The following ESYT1 variants were observed in gnomAD, a reference collection of about 807,000 sequenced individuals.
ESYT1 encodes extended synaptotagmin-1.
ESYT1 carries 116 observed loss-of-function variants against 154.2 expected under a neutral mutation model. That is an observed-to-expected ratio of 0.75 (90% CI 0.65 to 0.88). ESYT1 has a LOEUF of 0.88. Ranked by LOEUF, ESYT1 falls within the 40% of genes least tolerant of loss-of-function variation. The pLI is 0.00. For missense variants in ESYT1, 1,264 were observed against 1,379.3 expected (o/e 0.92, Z 1.32); for synonymous variants, 500 against 539.9 (o/e 0.93, Z 1.02).
At position 56,142,785 on chromosome 12, in the gene ESYT1, A is replaced by G; in HGVS notation, c.2889-50A>G. ...CGCAGTCAGAAATAAAAAGTATTAC[A>G]GGTTCACTAGGCTCTAGCTTTCCCC... is the stretch of plus-strand genomic sequence containing the variant. On this transcript the variant is annotated intron_variant, in intron 26 of 30. Coordinates refer to ENST00000394048, the MANE Select transcript of ESYT1 (RefSeq NM_015292.3). This position sits in a 1 kb window ranked among gnomAD's most constrained non-coding sequence, Gnocchi z 4.1. 6.2e-7 allele frequency: 1 copy of G among 1,613,404 alleles called. No individual in the cohort carries two copies. Among genetic ancestry groups the G allele is most frequent in the South Asian group, 1.1e-5 (1 of 91,056 alleles).
intron 15 of ESYT1, among the ~76,000 whole-genome samples, chr12:56,136,291 C>G (rs1870449985): frequency 1.3e-5 from 2 of 151,814 alleles, no homozygotes; most frequent in Non-Finnish European, 2.9e-5. Flanking sequence ...ATAGTGGGAG[C>G]AGAATGAACA....
chr12:56,136,547 C>G (rs745924540), intron 15 of ESYT1, among the ~76,000 whole-genome samples, 197 bp from the exon 16 acceptor site: 1 of 147,252 alleles, frequency 6.8e-6, no homozygotes, highest in African/African-American at 2.5e-5. Context: ...GCCAAGATGG[C>G]GCCATTGCAC....
In ESYT1 at chr12:56,143,152, A is replaced by C. The variant is rs565698775; in HGVS notation, c.3119+4A>C. On this transcript the variant is annotated splice_donor_region_variant and intron_variant, in intron 28 of 30. Coordinates refer to ENST00000394048, the MANE Select transcript of ESYT1 (RefSeq NM_015292.3). ...TGAGTCCTGAATTTAATGAACGGTC[A>C]GTCAGTGGGCATTCAGGTGGAGAGA... 1 of 1,614,210 alleles carries C rather than the reference A, an allele frequency of 6.2e-7. No individual in the cohort carries two copies. Among genetic ancestry groups the C allele is most frequent in the Non-Finnish European group, 8.5e-7 (1 of 1,180,032 alleles).
At position 56,138,246 on chromosome 12, in the gene ESYT1, C is replaced by A. The variant is rs368530667; in HGVS notation, c.2311C>A (p.Arg771Ser). 2 of 1,614,226 alleles carry A rather than the reference C, an allele frequency of 1.2e-6. No individual in the cohort carries two copies. Among genetic ancestry groups the A allele is most frequent in the Non-Finnish European group, 1.7e-6 (2 of 1,180,042 alleles). Reference protein sequence around the residue: ...LHLRLERLTPRPTAAELEEVL... With the variant: ...LHLRLERLTPSPTAAELEEVL... ...CTTGCGCCTGGAGCGTCTCACCCCC[C>A]GTCCCACTGCTGCTGAGTTAGAGGA... Residue 771 changes from arginine to serine, a missense_variant, in exon 21 of 31, where the codon CGT becomes AGT. By Grantham distance (110) the Arg-to-Ser change is moderately radical (BLOSUM62 -1). Coordinates refer to ENST00000394048, the MANE Select transcript of ESYT1 (RefSeq NM_015292.3).
chr12:56,133,894 A>C (rs900167066), intron 13 of ESYT1, 21 bp downstream of exon 13: 8 of 1,611,488 alleles, frequency 5.0e-6, no homozygotes, highest in Admixed American at 3.3e-5. Context: ...CTGGGTGAAC[A>C]GGAGCCCTGG....
rs79645834 is a variant in ESYT1 at position 56,134,380 on chromosome 12, G to A, written c.1584G>A (p.Ala528=). Residue 528 remains alanine, a synonymous_variant, in exon 15 of 31, where the codon GCG becomes GCA. Coordinates refer to ENST00000394048, the MANE Select transcript of ESYT1 (RefSeq NM_015292.3). The part of the protein sequence containing the change: ...YSTNCPVWEE[A]FRFFLQDPQS... ...CCAACTGCCCAGTGTGGGAGGAAGC[G>A]TTCCGGTTCTTCCTACAAGACCCTC... 0.01 allele frequency: 16,799 copies of A among 1,614,064 alleles called. 110 individuals carry two copies. The highest frequency in any genetic ancestry group is 0.012 in the Non-Finnish European group (14,155 of 1,179,970).
rs765754042 is a variant in ESYT1, at chr12:56,143,282, T to C, written c.3174T>C (p.Ser1058=). 2.5e-6 allele frequency: 4 copies of C among 1,614,174 alleles called. No homozygotes were observed. In the Admixed American group the frequency reaches 6.7e-5, roughly 27 times the overall value. The change falls in exon 29 of 31, where the codon TCT becomes TCC. Residue 1058 remains serine, a synonymous_variant. Coordinates refer to ENST00000394048, the MANE Select transcript of ESYT1 (RefSeq NM_015292.3). ...CCCAGAGACGAAAGCTGGATGTCTC[T>C]GTCAAGTCTAATTCCTCCTTCATGT... The part of the protein sequence containing the change: ...DEAQRRKLDV[S]VKSNSSFMSR...
chr12:56,134,302 G>A, intron 14 of ESYT1, 40 bp from the exon 15 acceptor site: 1 of 1,604,776 alleles, frequency 6.2e-7, no homozygotes, highest in African/African-American at 1.3e-5. Context: ...CAGGAATGGT[G>A]CTGTGGTATA....
Position 56,142,483 on chromosome 12 carries a change from T to TGGG in ESYT1, c.2733+59_2733+60insGGG, listed in dbSNP as rs1353680228. On this transcript the variant is annotated intron_variant, in intron 25 of 30. Transcript: ENST00000394048. The surrounding 1 kb of genome is among the most constrained non-coding windows in gnomAD (Gnocchi z 4.1). ...GGGAGGAGGGGAGGGCCTTCACAGGTGAGGGACACCCAGGAGGGTGGGAAC... is the reference window on the plus strand; with the variant it reads ...GGGAGGAGGGGAGGGCCTTCACAGGTGGGGAGGGACACCCAGGAGGGTGGGAAC... 1 of 1,606,402 alleles carries TGGG rather than the reference T, an allele frequency of 6.2e-7. No homozygotes were observed. The highest frequency in any genetic ancestry group is 8.5e-7 in the Non-Finnish European group (1 of 1,174,760).
chr12:56,143,419 C>T, intron 29 of ESYT1, 86 bp downstream of exon 29: 1 of 1,502,610 alleles, frequency 6.7e-7, no homozygotes, highest in Non-Finnish European at 9.2e-7. Flanking sequence ...GGAAGTACCC[C>T]ACGTGATCCT....
rs1391550077 is a variant in ESYT1 at position 56,133,423 on chromosome 12, G to A, written c.1251G>A (p.Lys417=). 1 of 1,614,210 alleles carries A rather than the reference G, an allele frequency of 6.2e-7. No homozygotes were observed. The part of the protein sequence containing the change: ...PDKDDFLGRM[K]LDVGKVLQAS... ...CTCCCCCGCCAACCCTCAGAATGAA[G>A]CTGGATGTAGGGAAGGTGTTACAGG... Residue 417 remains lysine (K), a synonymous_variant, in exon 11 of 31, where the codon AAG becomes AAA. Coordinates refer to ENST00000394048, the MANE Select transcript of ESYT1 (RefSeq NM_015292.3).
At chr12:56,131,392 T>C in intron 5 of ESYT1, 76 bp downstream of exon 5, 4 of 1,610,008 alleles carry the variant, frequency 2.5e-6, no homozygotes, top group Middle Eastern at 1.7e-4. Flanking sequence ...AGTGTGAGGT[T>C]GGAAAGACCA....
In ESYT1 at chr12:56,137,863, TA is replaced by T; in HGVS notation, c.2148del (p.Glu717ArgfsTer26). The T allele has an allele frequency of 6.2e-7, 1 of 1,614,202 alleles. No homozygotes were observed. Among genetic ancestry groups the T allele is most frequent in the Non-Finnish European group, 8.5e-7 (1 of 1,180,032 alleles). ...VIVTSVPGQE[L>X]EVEVFDKDLD... Reference sequence around the variant, plus strand: ...GTCACATCAGTTCCAGGCCAAGAGCTAGAGGTTGAAGTCTTTGACAAGGACT... The same window carrying T: ...GTCACATCAGTTCCAGGCCAAGAGCTGAGGTTGAAGTCTTTGACAAGGACT... On this transcript the variant is annotated frameshift_variant, in exon 19 of 31. Transcript: ENST00000394048. LOFTEE classifies it high-confidence loss of function.
rs1237156614 is a variant in ESYT1 at position 56,128,302 on chromosome 12, C to G, written c.-18C>G. 1 of 1,597,418 alleles carries G rather than the reference C, an allele frequency of 6.3e-7. No individual in the cohort carries two copies. Among genetic ancestry groups the G allele is most frequent in the East Asian group, 2.2e-5 (1 of 44,852 alleles). ...CAGCCAGTCCCTGGGTCGGGCGGATCCTCCCAGAGGTGGCACAATGGAGCG... is the reference window on the plus strand; with the variant it reads ...CAGCCAGTCCCTGGGTCGGGCGGATGCTCCCAGAGGTGGCACAATGGAGCG... On this transcript the variant is annotated 5_prime_UTR_variant, in exon 1 of 31. The change creates a new upstream start codon in the 5' untranslated region. Transcript: ENST00000394048.
rs2136869327 is a variant in ESYT1, at chr12:56,131,129, A to G, written c.641+16A>G. ...TGAACATCAGGTAATACCACTCACCACTCTTACTGCTTCCCCTTCAATGTG... is the reference window on the plus strand; with the variant it reads ...TGAACATCAGGTAATACCACTCACCGCTCTTACTGCTTCCCCTTCAATGTG... On this transcript the variant is annotated intron_variant, in intron 4 of 30. Coordinates refer to ENST00000394048, the MANE Select transcript of ESYT1 (RefSeq NM_015292.3). The G allele has an allele frequency of 6.2e-7, 1 of 1,613,362 alleles. No homozygotes were observed. Among genetic ancestry groups the G allele is most frequent in the Non-Finnish European group, 8.5e-7 (1 of 1,179,762 alleles).
rs191335815 is a variant in ESYT1, at chr12:56,133,078, G to A, written c.1244+277G>A. Among the ~76,000 whole-genome samples, 524 of 151,922 alleles carry A rather than the reference G, an allele frequency of 3.4e-3. 1 individual carries two copies. Among genetic ancestry groups the A allele is most frequent in the African/African-American group, 0.01 (428 of 41,416 alleles). ...GGAGTTTGCAGTGAGCCGAGATCGC[G>A]CCACTGCACTCCAGCCTGGGCGACA... is the stretch of plus-strand genomic sequence containing the variant. On this transcript the variant is annotated intron_variant, in intron 10 of 30. Coordinates refer to ENST00000394048, the MANE Select transcript of ESYT1 (RefSeq NM_015292.3).
chr12:56,134,066 C>A (rs1870349713), intron 13 of ESYT1, 44 bp from the exon 14 acceptor site: 1 of 1,611,068 alleles, frequency 6.2e-7, no homozygotes, highest in Non-Finnish European at 8.5e-7. Context: ...AAAACCAAAA[C>A]CGAATCCCCC....
In ESYT1 at chr12:56,142,555, G is replaced by A. The variant is rs530722760; in HGVS notation, c.2734-23G>A. The A allele has an allele frequency of 6.6e-5, 107 of 1,614,074 alleles. 2 individuals are homozygous for A. In the South Asian group the frequency reaches 1.1e-3, roughly 16 times the overall value. The stretch of plus-strand genomic sequence containing the variant: ...GAGGGAACTGAGAGAACTCTGCCCA[G>A]CTCACAGCTTTCTTGCCCCTAGATC... On this transcript the variant is annotated intron_variant, in intron 25 of 30. Coordinates refer to ENST00000394048, the MANE Select transcript of ESYT1 (RefSeq NM_015292.3). This position sits in a 1 kb window ranked among gnomAD's most constrained non-coding sequence, Gnocchi z 4.1.
In ESYT1 at chr12:56,132,456, G is replaced by A. The variant is rs535030513; in HGVS notation, c.1020G>A (p.Gly340=). The change falls in exon 9 of 31, where the codon GGG becomes GGA. Residue 340 remains glycine, a synonymous_variant. Coordinates refer to ENST00000394048, the MANE Select transcript of ESYT1 (RefSeq NM_015292.3). ...GAATTCACCTGCTGGCTGCTCGAGG[G>A]CTGAGTTCCAAGGACAAATATGTGA... The part of the protein sequence containing the change: ...IIRIHLLAAR[G]LSSKDKYVKG... 6.2e-7 allele frequency: 1 copy of A among 1,614,196 alleles called. No individual in the cohort carries two copies. The highest frequency in any genetic ancestry group is 2.2e-5 in the East Asian group (1 of 44,874).
Sources: allele counts gnomAD v4.1 joint callset (sites outside exome capture counted in the v4.1 genomes callset), GRCh38; gene constraint gnomAD v4.1.1; non-coding constraint Gnocchi (gnomAD v3.1); transcripts MANE v1.5; gene names NCBI Gene and HGNC (gene_info 2026-07-23, HGNC 2026-07-21).